Variants in LARGE1 observed in about 807,000 individuals in gnomAD.
LARGE1 encodes the protein xylosyl- and glucuronyltransferase LARGE1.
In LARGE1, 43 loss-of-function variants were observed where a neutral mutation model predicts 87.6. The ratio of observed to expected loss-of-function variants is 0.49; its 90% CI spans 0.38 to 0.63. The LOEUF is 0.63. Ranked by LOEUF, LARGE1 falls within the 30% of genes least tolerant of loss-of-function variation. The pLI, the probability that LARGE1 is intolerant of heterozygous loss-of-function variation, is 0.00. For synonymous variants in LARGE1, 434 were observed against 394.6 expected, an observed-to-expected ratio of 1.10 and a Z score of -1.18; for missense variants, 802 against 1,000.2, an observed-to-expected ratio of 0.80 and a Z score of 2.67.
the LARGE1 span, among the ~76,000 whole-genome samples, chr22:33,127,982 C>T: frequency 6.6e-6 from 1 of 152,200 alleles, no homozygotes; most frequent in South Asian, 2.1e-4. Context: ...CCTTTTCTTT[C>T]TCTTCTCTTT....
chr22:33,259,224 T>G (rs760890898), intron 11 of LARGE1, among the ~76,000 whole-genome samples: 18 of 152,264 alleles, frequency 1.2e-4, no homozygotes, highest in Non-Finnish European at 1.9e-4. Flanking sequence ...ATCTGATTCC[T>G]GTTCCCATTC....
the LARGE1 span, among the ~76,000 whole-genome samples, chr22:33,071,578 T>C: frequency 2.0e-5 from 3 of 152,210 alleles, no homozygotes; most frequent in African/African-American, 4.8e-5. Flanking sequence ...TTTCAGGCAT[T>C]GTACTACACA....
At chr22:33,817,985 C>A (rs1568956012) in intron 1 of LARGE1, among the ~76,000 whole-genome samples, 1 of 152,088 alleles carries the variant, frequency 6.6e-6, no homozygotes, top group Non-Finnish European at 1.5e-5. Context: ...GGCAGCTTCA[C>A]ACTGTGGAGG....
At chr22:33,607,606 G>A (rs997200727) in intron 4 of LARGE1, among the ~76,000 whole-genome samples, 79 of 152,190 alleles carry the variant, frequency 5.2e-4, no homozygotes, top group African/African-American at 1.7e-3. Flanking sequence ...CTGGGTCAGC[G>A]GCAATGGCTC....
At chr22:33,394,489 C>T (rs2147243489) in intron 7 of LARGE1, among the ~76,000 whole-genome samples, 1 of 152,206 alleles carries the variant, frequency 6.6e-6, no homozygotes, top group South Asian at 2.1e-4. Flanking sequence ...TGACCCACTG[C>T]ACCCAGCCAG....
In LARGE1 at chr22:33,283,877, AAAAGAAAGAAAAAGT is replaced by A. The variant is rs1030079797; in HGVS notation, c.1731-544_1731-530del. Reference sequence around the variant, plus strand: ...AAAAGTAAAGAAAGAAAAAAGAAGGAAAAGAAAGAAAAAGTAAAGAAAGAAAAAAGAAGGAAAAGA... The same window carrying A: ...AAAAGTAAAGAAAGAAAAAAGAAGGAAAAGAAAGAAAAAAGAAGGAAAAGA... On this transcript the variant is annotated intron_variant, in intron 12 of 14. Coordinates refer to ENST00000397394, the MANE Select transcript of LARGE1 (RefSeq NM_133642.5). 2.0e-4 allele frequency among the ~76,000 whole-genome samples: 30 copies of A among 152,026 alleles called. No homozygotes were observed. In the East Asian group the frequency reaches 4.6e-3, roughly 24 times the overall value.
At chr22:33,264,345 C>T (rs1927807327) in intron 11 of LARGE1, among the ~76,000 whole-genome samples, 1 of 152,238 alleles carries the variant, frequency 6.6e-6, no homozygotes, top group African/African-American at 2.4e-5. Flanking sequence ...AAGGCAGTTT[C>T]AGGCTTCTCC....
chr22:33,787,020 CAAAAAAA>C (rs1184293115), intron 1 of LARGE1, among the ~76,000 whole-genome samples: 1 of 77,146 alleles, frequency 1.3e-5, no homozygotes, highest in Non-Finnish European at 2.6e-5. Flanking sequence ...GACTCCATTT[CAAAAAAA>C]AAAAAAAAAA....
At chr22:33,628,605 C>T (rs545564949) in intron 3 of LARGE1, among the ~76,000 whole-genome samples, 19 of 152,234 alleles carry the variant, frequency 1.2e-4, no homozygotes, top group South Asian at 1.0e-3. Flanking sequence ...TATAAGCCAT[C>T]GCACCCCGCC....
intron 6 of LARGE1, among the ~76,000 whole-genome samples, chr22:33,496,728 G>A (rs778947229): frequency 3.3e-5 from 5 of 152,146 alleles, no homozygotes; most frequent in Non-Finnish European, 5.9e-5. Flanking sequence ...GAACTCATTA[G>A]GTCCTGCCCA....
At chr22:33,900,280 C>G (rs1363725858) in intron 1 of LARGE1, among the ~76,000 whole-genome samples, 2 of 152,178 alleles carry the variant, frequency 1.3e-5, no homozygotes, top group African/African-American at 2.4e-5. Flanking sequence ...GGGTGGTGCT[C>G]CCCCTTGCAA....
At chr22:33,806,931 A>T (rs2086329305) in intron 1 of LARGE1, among the ~76,000 whole-genome samples, 1 of 151,800 alleles carries the variant, frequency 6.6e-6, no homozygotes, top group Non-Finnish European at 1.5e-5. Flanking sequence ...AATCGCTTGA[A>T]CCTGGTAGGC....
intron 6 of LARGE1, among the ~76,000 whole-genome samples, chr22:33,453,478 TC>T (rs1475393637): frequency 6.6e-6 from 1 of 151,984 alleles, no homozygotes; most frequent in Non-Finnish European, 1.5e-5. Flanking sequence ...CAGTCTGATC[TC>T]CCAGGGAGTG....
At chr22:33,241,640 ATATATGTGTGTG>A (rs908681217) in intron 11 of LARGE1, among the ~76,000 whole-genome samples, 101 of 152,074 alleles carry the variant, frequency 6.6e-4, no homozygotes, top group Admixed American at 1.1e-3. Flanking sequence ...ATATATGTAT[ATATATGTGTGTG>A]TATATGTGTG....
chr22:33,885,673 T>C (rs1400167806), intron 1 of LARGE1, among the ~76,000 whole-genome samples: 3 of 152,124 alleles, frequency 2.0e-5, no homozygotes, highest in Non-Finnish European at 4.4e-5. Flanking sequence ...CTCCGGGAGA[T>C]GAACCACCCA....
the LARGE1 span, among the ~76,000 whole-genome samples, chr22:33,073,015 C>T: frequency 1.3e-5 from 2 of 152,166 alleles, no homozygotes; most frequent in Non-Finnish European, 2.9e-5. Flanking sequence ...GAGGGATATA[C>T]ATTTCCTATC....
At chr22:33,774,446 T>A (rs2085169229) in intron 1 of LARGE1, among the ~76,000 whole-genome samples, 1 of 151,974 alleles carries the variant, frequency 6.6e-6, no homozygotes, top group South Asian at 2.1e-4. Flanking sequence ...AAGCCCCACC[T>A]CCCGGGTTGA....
At chr22:33,838,564 A>G (rs1436797579) in intron 1 of LARGE1, among the ~76,000 whole-genome samples, 1 of 152,186 alleles carries the variant, frequency 6.6e-6, no homozygotes, top group Non-Finnish European at 1.5e-5. Flanking sequence ...ACTTGAGCCC[A>G]AGAGTTTGAG....
intron 7 of LARGE1, among the ~76,000 whole-genome samples, chr22:33,394,924 C>T (rs966402070): frequency 6.6e-6 from 1 of 152,002 alleles, no homozygotes; most frequent in Non-Finnish European, 1.5e-5. Context: ...AGATCCCAAT[C>T]ATTATAAAAG....
Sources: allele counts gnomAD v4.1 joint callset (sites outside exome capture counted in the v4.1 genomes callset), GRCh38; gene constraint gnomAD v4.1.1; transcripts MANE v1.5; gene names NCBI Gene and HGNC (gene_info 2026-07-23, HGNC 2026-07-21).